CCDC32: variants seen among roughly 807,000 people sequenced by gnomAD.
CCDC32 encodes the protein coiled-coil domain-containing protein 32.
A neutral mutation model predicts 20.1 loss-of-function variants in CCDC32; 9 were observed. The observed-to-expected ratio is 0.45, with a 90% CI of 0.27 to 0.78. The LOEUF (loss-of-function observed/expected upper bound fraction) is 0.78. Among genes scored for constraint, CCDC32 ranks in the 30% least tolerant of loss-of-function variants. CCDC32 has a pLI of 0.16. For synonymous variants in CCDC32, 63 were observed against 79.0 expected (o/e 0.80, Z 1.07); for missense variants, 204 against 215.5 (o/e 0.95, Z 0.33).
rs1000610316 is a variant in CCDC32, at chr15:40,546,339, G to A, written c.402-6984C>T. ...CCCAAGTAGCTGGGACCACAGGCAC[G>A]AGCCACCATGCCTGGCTAATTTCTG... On this transcript the variant is annotated intron_variant, in intron 3 of 3. Coordinates refer to the CCDC32 transcript ENST00000558113. 5.9e-5 allele frequency among the ~76,000 whole-genome samples: 9 copies of A among 151,408 alleles called. No homozygotes were observed. The South Asian group carries it at 1.7e-3, about 28-fold the overall frequency.
Position 40,562,759 on chromosome 15 carries a change from C to G in CCDC32, c.244+13G>C, listed in dbSNP as rs368611052. 2.3e-5 allele frequency: 37 copies of G among 1,608,122 alleles called. No homozygotes were observed. The highest frequency in any genetic ancestry group is 3.4e-5 in the Admixed American group (2 of 59,360). On this transcript the variant is annotated intron_variant, in intron 2 of 3. Coordinates refer to ENST00000416810, the MANE Select transcript of CCDC32 (RefSeq NM_001080792.4). ...AGAACTTCAATATGCTTCCCTAGAG[C>G]CGTCAAACTTACCTAGAGATGCTAA...
Position 40,553,223 on chromosome 15 carries a change from T to A in CCDC32, c.*748A>T, listed in dbSNP as rs1889986080. The A allele has an allele frequency of 1.0e-6, 1 of 985,294 alleles. No homozygotes were observed. The highest frequency in any genetic ancestry group is 1.7e-5 in the African/African-American group (1 of 57,216). 61.0% of individuals were successfully genotyped at this position (985,294 alleles called of 1,614,324 possible). ...GATGTTTGGAACTATCCAGGAGTAG[T>A]GTCAAACACTAACACCATATTTACA... On this transcript the variant is annotated 3_prime_UTR_variant, in exon 4 of 4. Coordinates refer to ENST00000416810, the MANE Select transcript of CCDC32 (RefSeq NM_001080792.4).
downstream of CCDC32, chr15:40,539,197 C>T (rs941150251): frequency 5.1e-5 from 76 of 1,502,118 alleles, no homozygotes; most frequent in Non-Finnish European, 6.5e-5. Context: ...GTCAATCCCA[C>T]ATGGTTCTGC....
chr15:40,524,446 C>T (rs1045896862), downstream of CCDC32, among the ~76,000 whole-genome samples: 15 of 151,836 alleles, frequency 9.9e-5, no homozygotes, highest in Middle Eastern at 3.4e-3. Flanking sequence ...CCTGAGCCAC[C>T]GCGCCCAGCC....
At chr15:40,552,770 T>C (rs1441980791), downstream of CCDC32, 1 of 3,112 alleles carries the variant, frequency 3.2e-4, no homozygotes, top group East Asian at 3.6e-3. Flanking sequence ...AAGTGCGACC[T>C]CAAAAAAAAA....
chr15:40,534,631 G>C (rs149138539), downstream of CCDC32: 1 of 373,688 alleles, frequency 2.7e-6, no homozygotes, highest in South Asian at 3.7e-5. Flanking sequence ...TTCAAGATGA[G>C]ACTTGGATTG....
In CCDC32 at chr15:40,553,498, C is replaced by T. The variant is rs540361917; in HGVS notation, c.*473G>A. ...ATTCAAGGAGCAGACTTCACTCTTA[C>T]TGGCCCCACTCACGTGACAATTCAC... is the stretch of plus-strand genomic sequence containing the variant. On this transcript the variant is annotated 3_prime_UTR_variant, in exon 4 of 4. Coordinates refer to ENST00000416810, the MANE Select transcript of CCDC32 (RefSeq NM_001080792.4). The T allele has an allele frequency of 2.0e-6, 2 of 987,016 alleles. No homozygotes were observed. The highest frequency in any genetic ancestry group is 4.7e-5 in the South Asian group (1 of 21,366). The allele number at this position is 987,016 out of a possible 1,614,324, so 61.1% of individuals were successfully genotyped here. A position where few individuals can be genotyped will look rare whatever the true frequency, so the allele number is the denominator to read the frequency against.
At chr15:40,530,653 C>T (rs1888847702), downstream of CCDC32, among the ~76,000 whole-genome samples, 1 of 151,012 alleles carries the variant, frequency 6.6e-6, no homozygotes, top group Non-Finnish European at 1.5e-5. Flanking sequence ...CCATGCTTCT[C>T]ATACAGCCTG....
At chr15:40,542,484 G>A (rs1889436677) in intron 3 of CCDC32, among the ~76,000 whole-genome samples, 1 of 152,156 alleles carries the variant, frequency 6.6e-6, no homozygotes, top group Admixed American at 6.5e-5. Context: ...AAAAGACCCT[G>A]TTGCAAGAAT....
chr15:40,552,481 CAAAAAAAAA>C (rs58360713), downstream of CCDC32, among the ~76,000 whole-genome samples: 1 of 94,338 alleles, frequency 1.1e-5, no homozygotes, highest in African/African-American at 4.6e-5. Context: ...AACTCCATCT[CAAAAAAAAA>C]AAAAAAAAAA....
chr15:40,563,103 C>G (rs1890766882), intron 1 of CCDC32, 76 bp from the exon 2 acceptor site: 1 of 1,504,994 alleles, frequency 6.6e-7, no homozygotes, highest in African/African-American at 1.4e-5. Context: ...TGGCTCACGA[C>G]TGTAATCCCA....
chr15:40,526,061 G>A (rs1011981808), downstream of CCDC32, among the ~76,000 whole-genome samples: 1 of 151,908 alleles, frequency 6.6e-6, no homozygotes, highest in Admixed American at 6.6e-5. Context: ...CAACACCTGT[G>A]AACTGCCTGG....
chr15:40,538,170 G>C (rs1170806713), downstream of CCDC32: 1 of 152,204 alleles, frequency 6.6e-6, no homozygotes, highest in Non-Finnish European at 1.5e-5. Context: ...CTGTGGTGCT[G>C]CTGTGTTAAG....
intron 2 of CCDC32, 52 bp downstream of exon 2, chr15:40,562,720 A>G: frequency 1.3e-6 from 2 of 1,560,244 alleles, no homozygotes; most frequent in Middle Eastern, 1.7e-4. Flanking sequence ...ATAGGAAACC[A>G]AGTTTGATGT....
chr15:40,550,846 A>G (rs1889823067), downstream of CCDC32, among the ~76,000 whole-genome samples: 1 of 152,138 alleles, frequency 6.6e-6, no homozygotes, highest in South Asian at 2.1e-4. Context: ...TCATATTCCA[A>G]TTTCTGTTTC....
intron 2 of CCDC32, chr15:40,558,083 C>G (rs1363346788): frequency 6.6e-6 from 1 of 152,164 alleles, no homozygotes; most frequent in Non-Finnish European, 1.5e-5. Context: ...CATTTTAACT[C>G]TAATTGTTTA....
At chr15:40,558,275 A>G (rs1890384589) in intron 2 of CCDC32, among the ~76,000 whole-genome samples, 1 of 152,202 alleles carries the variant, frequency 6.6e-6, no homozygotes, top group South Asian at 2.1e-4. Context: ...AAAAAGTCAC[A>G]TCAGCTAACA....
At position 40,553,913 on chromosome 15, in the gene CCDC32, TGTGTGTGTGTGTGTGTG is replaced by T; in HGVS notation, c.*41_*57del. On this transcript the variant is annotated 3_prime_UTR_variant, in exon 4 of 4. Transcript: ENST00000416810. ...CCGAGACAGCTGCTCGGCGTGTGTG[TGTGTGTGTGTGTGTGTG>T]TGTGTGTGTGTGTGTGTGTGTGTGT... 5.3e-5 allele frequency: 4 copies of T among 74,794 alleles called. No homozygotes were observed. The highest frequency in any genetic ancestry group is 3.2e-4 in the South Asian group (1 of 3,110). The allele number at this position is 74,794 out of a possible 1,614,324, so 4.6% of individuals were successfully genotyped here. A position where few individuals can be genotyped will look rare whatever the true frequency, so the allele number is the denominator to read the frequency against.
chr15:40,564,013 G>T (rs1174094059), intron 1 of CCDC32, among the ~76,000 whole-genome samples: 6 of 152,022 alleles, frequency 3.9e-5, no homozygotes, highest in Non-Finnish European at 8.8e-5. Flanking sequence ...AGTAAAGACG[G>T]GGTTTCACCG....
Sources: allele counts gnomAD v4.1 joint callset (sites outside exome capture counted in the v4.1 genomes callset), GRCh38; gene constraint gnomAD v4.1.1; transcripts MANE v1.5; gene names NCBI Gene and HGNC (gene_info 2026-07-23, HGNC 2026-07-21).